Variants in ZFHX3 observed in about 807,000 individuals in gnomAD.
The protein encoded by ZFHX3 is zinc finger homeobox protein 3.
Under a neutral mutation model 279.1 loss-of-function variants are expected in ZFHX3, and 42 were observed. The observed-to-expected ratio is 0.15, with a 90% CI of 0.12 to 0.19. ZFHX3 has a LOEUF of 0.19. ZFHX3 is among the 10% of genes least tolerant of loss of function. ZFHX3 has a pLI of 1.00. For missense variants in ZFHX3, 4,981 were observed against 4,754.0 expected (o/e 1.05, Z -1.40); for synonymous variants, 2,293 against 1,957.8 (o/e 1.17, Z -4.52).
At chr16:73,291,635 C>T (rs1232428707) in intron 4 of ZFHX3, among the ~76,000 whole-genome samples, 1 of 152,210 alleles carries the variant, frequency 6.6e-6, no homozygotes, top group Non-Finnish European at 1.5e-5. Context: ...AATGGACAGC[C>T]ACCAGAAGAG....
chr16:72,783,251 G>A lies in ZFHX3; in HGVS notation c.*3913C>T, dbSNP rs773487850. On this transcript the variant is annotated 3_prime_UTR_variant, in exon 10 of 10. Coordinates refer to ENST00000268489, the MANE Select transcript of ZFHX3 (RefSeq NM_006885.4). ...ATATACCTCTTCACCTCAGGGTCAC[G>A]TTCATTTATGCTTTCTTTCCTACCC... 5.4e-4 allele frequency: 82 copies of A among 151,266 alleles called. No homozygotes were observed. The highest frequency in any genetic ancestry group is 8.7e-4 in the Non-Finnish European group (59 of 67,880). 9.4% of individuals were successfully genotyped at this position (151,266 alleles called of 1,614,324 possible).
intron 3 of ZFHX3, among the ~76,000 whole-genome samples, chr16:73,356,420 G>C (rs746470614): frequency 1.3e-5 from 2 of 151,970 alleles, no homozygotes; most frequent in Non-Finnish European, 2.9e-5. Flanking sequence ...AGAGCAAGAC[G>C]GTGATGTTGG....
At chr16:73,763,226 A>G (rs2053892020) in intron 1 of ZFHX3, among the ~76,000 whole-genome samples, 1 of 152,208 alleles carries the variant, frequency 6.6e-6, no homozygotes, top group Admixed American at 6.6e-5. Flanking sequence ...CTGACCTATC[A>G]TGTATTAAAG....
chr16:73,216,393 C>T (rs1016115419), intron 5 of ZFHX3, among the ~76,000 whole-genome samples: 7 of 152,280 alleles, frequency 4.6e-5, no homozygotes, highest in Middle Eastern at 3.4e-3. Context: ...AATTGGTTCC[C>T]GTCCTCTGGG....
At chr16:73,513,702 ATTGGTCAGGAGC>A (rs1480111469) in intron 2 of ZFHX3, among the ~76,000 whole-genome samples, 2 of 152,168 alleles carry the variant, frequency 1.3e-5, no homozygotes, top group African/African-American at 4.8e-5. Context: ...CAAATGCCTC[ATTGGTCAGGAGC>A]CTGGAAGGAG....
At chr16:73,855,216 C>CTTTTTTTTTTT (rs1032892286) in intron 1 of ZFHX3, among the ~76,000 whole-genome samples, 1 of 111,494 alleles carries the variant, frequency 9.0e-6, no homozygotes, top group Non-Finnish European at 1.8e-5. Flanking sequence ...AGGCGTTAGC[C>CTTTTTTTTTTT]TTTTTTTTTT....
chr16:73,128,432 T>G (rs1597167847), intron 7 of ZFHX3, among the ~76,000 whole-genome samples: 1 of 152,298 alleles, frequency 6.6e-6, no homozygotes, highest in Non-Finnish European at 1.5e-5. Context: ...TGAAACCTAG[T>G]GCTCAGAGAG....
At chr16:73,010,117 GT>G (rs1963863304) in intron 1 of ZFHX3, among the ~76,000 whole-genome samples, 1 of 151,878 alleles carries the variant, frequency 6.6e-6, no homozygotes, top group Admixed American at 6.6e-5. Flanking sequence ...CCATGGGAAG[GT>G]GGCACTCAGC....
At chr16:73,331,277 G>A (rs545206356) in intron 3 of ZFHX3, among the ~76,000 whole-genome samples, 28 of 152,244 alleles carry the variant, frequency 1.8e-4, no homozygotes, top group African/African-American at 3.6e-4. Flanking sequence ...CTCCCATGAC[G>A]TCCCTCCCAT....
chr16:73,175,441 G>T (rs913019734), intron 5 of ZFHX3, among the ~76,000 whole-genome samples: 1 of 152,058 alleles, frequency 6.6e-6, no homozygotes, highest in Non-Finnish European at 1.5e-5. Context: ...TCTCCAACTT[G>T]GTCTTGAGCC....
chr16:72,944,276 C>A (rs1016990328), intron 3 of ZFHX3, among the ~76,000 whole-genome samples: 1 of 152,116 alleles, frequency 6.6e-6, no homozygotes, highest in African/African-American at 2.4e-5. Context: ...CAGAGTGAGA[C>A]CCTGTCTCAA....
intron 3 of ZFHX3, among the ~76,000 whole-genome samples, chr16:72,942,800 G>A (rs1960473919): frequency 6.6e-6 from 1 of 152,138 alleles, no homozygotes; most frequent in Non-Finnish European, 1.5e-5. Context: ...TAAAAACCCA[G>A]CTCCTCTTTG....
At chr16:73,163,569 G>A (rs187105402) in intron 5 of ZFHX3, among the ~76,000 whole-genome samples, 4 of 152,284 alleles carry the variant, frequency 2.6e-5, no homozygotes, top group East Asian at 3.9e-4. Context: ...TTGCTCTCTC[G>A]ACCTTTATAG....
chr16:73,592,578 T>C (rs753197178), intron 2 of ZFHX3, among the ~76,000 whole-genome samples: 2 of 152,166 alleles, frequency 1.3e-5, no homozygotes, highest in Non-Finnish European at 2.9e-5. Context: ...GCTGGCCTTA[T>C]ACCCTGAAAA....
At chr16:73,004,077 C>T (rs1301783741) in intron 1 of ZFHX3, among the ~76,000 whole-genome samples, 1 of 148,794 alleles carries the variant, frequency 6.7e-6, no homozygotes, top group Non-Finnish European at 1.5e-5. Context: ...ATTTATTCTT[C>T]ATGAATTGTC....
At chr16:72,897,830 C>G (rs1397665729) in intron 3 of ZFHX3, among the ~76,000 whole-genome samples, 1 of 152,066 alleles carries the variant, frequency 6.6e-6, no homozygotes, top group Non-Finnish European at 1.5e-5. Flanking sequence ...CTCAAAGAAG[C>G]CACATGACTC....
intron 3 of ZFHX3, among the ~76,000 whole-genome samples, chr16:73,334,358 G>A (rs912090202): frequency 1.3e-5 from 2 of 152,170 alleles, no homozygotes; most frequent in South Asian, 4.1e-4. Context: ...GGAAGGGGAT[G>A]TCAAGGGCAT....
intron 1 of ZFHX3, among the ~76,000 whole-genome samples, chr16:73,771,094 A>T (rs2054012555): frequency 6.6e-6 from 1 of 152,184 alleles, no homozygotes; most frequent in African/African-American, 2.4e-5. Flanking sequence ...TTGGAACACA[A>T]AGGTCAAGGA....
At chr16:73,778,642 T>TC (rs968857811) in intron 1 of ZFHX3, among the ~76,000 whole-genome samples, 5 of 152,132 alleles carry the variant, frequency 3.3e-5, no homozygotes, top group African/African-American at 9.7e-5. Context: ...GACAGTCATT[T>TC]CCCCTGCATG....
Sources: allele counts gnomAD v4.1 joint callset (sites outside exome capture counted in the v4.1 genomes callset), GRCh38; gene constraint gnomAD v4.1.1; transcripts MANE v1.5; gene names NCBI Gene and HGNC (gene_info 2026-07-23, HGNC 2026-07-21).